SLC2A5: variants seen among roughly 807,000 people sequenced by gnomAD.
SLC2A5 encodes the protein solute carrier family 2 member 5.
In SLC2A5, 56 loss-of-function variants were observed where a neutral mutation model predicts 50.3. The observed-to-expected ratio is 1.11, with a 90% CI of 0.90 to 1.39. The LOEUF is 1.39. Among genes scored for constraint, SLC2A5 ranks in the 40% most tolerant of loss-of-function variants. SLC2A5 has a pLI of 0.00. For missense variants in SLC2A5, 566 were observed against 650.1 expected (o/e 0.87, Z 1.41); for synonymous variants, 269 against 281.9 (o/e 0.95, Z 0.46).
chr1:9,039,826 C>G lies in SLC2A5; in HGVS notation c.859G>C (p.Gly287Arg), dbSNP rs779890796. The change falls in exon 7 of 12, where the codon GGC becomes CGC. Residue 287 changes from glycine to arginine, a missense_variant. Physicochemically the swap from Gly to Arg is moderately radical, Grantham distance 125. Transcript: ENST00000377424. Reference sequence around the variant, plus strand: ...GCGTTGACGCCCGACAGCTGCTGGCCGCCCATGAGGACGATGATGGACAGC... The same window carrying G: ...GCGTTGACGCCCGACAGCTGCTGGCGGCCCATGAGGACGATGATGGACAGC... ...QLLSIIVLMG[G>R]QQLSGVNAIY... 1.2e-6 allele frequency: 2 copies of G among 1,602,696 alleles called. No individual in the cohort carries two copies. Among genetic ancestry groups the G allele is most frequent in the South Asian group, 2.2e-5 (2 of 89,956 alleles).
chr1:9,039,778 C>G, intron 7 of SLC2A5, 22 bp downstream of exon 7: 2 of 1,496,118 alleles, frequency 1.3e-6, no homozygotes, highest in Non-Finnish European at 1.8e-6. Flanking sequence ...CCCCAGCTCC[C>G]GAGCCGCAGC....
At chr1:9,062,366 G>C (rs1569893105) in intron 1 of SLC2A5, among the ~76,000 whole-genome samples, 1 of 152,188 alleles carries the variant, frequency 6.6e-6, no homozygotes, top group Non-Finnish European at 1.5e-5. Context: ...GATTCAGAGA[G>C]AGGGAACAGC....
At chr1:9,053,091 T>TATATATTTATATATAATATA (rs1641626034) in intron 3 of SLC2A5, among the ~76,000 whole-genome samples, 1 of 98,014 alleles carries the variant, frequency 1.0e-5, no homozygotes, top group Non-Finnish European at 2.0e-5. Flanking sequence ...TAATATATAA[T>TATATATTTATATATAATATA]ATATATTTAT....
chr1:9,078,597 A>G (rs1642318486), intron 2 of SLC2A5, among the ~76,000 whole-genome samples: 1 of 152,238 alleles, frequency 6.6e-6, no homozygotes, highest in Non-Finnish European at 1.5e-5. Context: ...ACTATTGAAA[A>G]ACATTTCATT....
At chr1:9,052,455 C>G (rs1007057107) in intron 3 of SLC2A5, among the ~76,000 whole-genome samples, 3 of 152,056 alleles carry the variant, frequency 2.0e-5, no homozygotes, top group Non-Finnish European at 2.9e-5. Context: ...TGAAACTACT[C>G]TATATGATAC....
intron 3 of SLC2A5, among the ~76,000 whole-genome samples, chr1:9,053,598 GCA>G (rs1641681901): frequency 7.8e-6 from 1 of 128,280 alleles, no homozygotes; most frequent in Non-Finnish European, 1.6e-5. Flanking sequence ...AATAGGCAGG[GCA>G]CAGTGGCTTA....
chr1:9,042,961 G>T (rs1481361463), intron 4 of SLC2A5, among the ~76,000 whole-genome samples: 1 of 152,098 alleles, frequency 6.6e-6, no homozygotes, highest in African/African-American at 2.4e-5. Flanking sequence ...CTTGAATCTG[G>T]TGGAGGGAAA....
intron 2 of SLC2A5, among the ~76,000 whole-genome samples, chr1:9,081,262 A>G (rs1055039967): frequency 1.7e-4 from 15 of 89,542 alleles, no homozygotes; most frequent in East Asian, 8.3e-4. Context: ...CTTGTTTCAG[A>G]AAAAAAAAAA....
intron 1 of SLC2A5, among the ~76,000 whole-genome samples, chr1:9,064,354 T>C (rs1408972173): frequency 6.6e-6 from 1 of 151,920 alleles, no homozygotes; most frequent in Admixed American, 6.6e-5. Context: ...CTGGCCAGCT[T>C]GTTAAAATGA....
Position 9,040,009 on chromosome 1 carries a change from G to C in SLC2A5, c.698-22C>G. On this transcript the variant is annotated intron_variant, in intron 6 of 11. Coordinates refer to ENST00000377424, the MANE Select transcript of SLC2A5 (RefSeq NM_003039.3). The surrounding 1 kb of genome is among the most constrained non-coding windows in gnomAD (Gnocchi z 4.3). ...AGGGCTGGGGAGAAGCGGCACCGTC[G>C]GACCAGGGCTGGGGAGCAGAACCTG... is the stretch of plus-strand genomic sequence containing the variant. 1 of 1,596,192 alleles carries C rather than the reference G, an allele frequency of 6.3e-7. No homozygotes were observed. Among genetic ancestry groups the C allele is most frequent in the South Asian group, 1.1e-5 (1 of 89,874 alleles).
At chr1:9,050,594 A>G (rs770033) in intron 3 of SLC2A5, among the ~76,000 whole-genome samples, 7,078 of 152,250 alleles carry the variant, frequency 0.046, 182 homozygotes, top group Middle Eastern at 0.15. Context: ...TAAATATAAA[A>G]TGCAAAACTA....
At chr1:9,049,178 A>G in intron 3 of SLC2A5, 1 of 456,306 alleles carries the variant, frequency 2.2e-6, no homozygotes, top group South Asian at 1.5e-5. Context: ...GAGGACCCTC[A>G]TGATGGACGA....
At chr1:9,052,944 C>A (rs1001607621) in intron 3 of SLC2A5, among the ~76,000 whole-genome samples, 1 of 126,542 alleles carries the variant, frequency 7.9e-6, no homozygotes. Context: ...CCAGCCTGGG[C>A]GACAGAGTAA....
chr1:9,057,608 G>A lies in SLC2A5; in HGVS notation c.133C>T (p.Leu45Phe), dbSNP rs757303279. 5.0e-6 allele frequency: 8 copies of A among 1,611,462 alleles called. No individual in the cohort carries two copies. The highest frequency in any genetic ancestry group is 4.2e-6 in the Non-Finnish European group (5 of 1,179,110). ...GTCTCATTGTAAAATTGTTGCATGA[G>A]CTAGGAGACAAAGCAAAACAGAACA... ...NVAAVNSPAL[L>F]MQQFYNETYY... The change falls in exon 3 of 12, where the codon CTC becomes TTC. Residue 45 changes from leucine to phenylalanine, a missense_variant and splice_region_variant. Transcript: ENST00000377424.
At chr1:9,061,140 C>G (rs1641931923) in intron 1 of SLC2A5, among the ~76,000 whole-genome samples, 1 of 151,242 alleles carries the variant, frequency 6.6e-6, no homozygotes. Flanking sequence ...CAAAAATTTG[C>G]TGGGCATGAT....
intron 3 of SLC2A5, 139 bp downstream of exon 3, chr1:9,057,309 A>G (rs1641781851): frequency 4.1e-6 from 2 of 483,920 alleles, no homozygotes; most frequent in East Asian, 3.6e-5. Flanking sequence ...AAAAAAAAAA[A>G]AAAAAAGAAA....
intron 1 of SLC2A5, among the ~76,000 whole-genome samples, chr1:9,066,983 TAAA>T (rs58819432): frequency 9.1e-6 from 1 of 110,144 alleles, no homozygotes. Context: ...GTCTCAAAAT[TAAA>T]AAAAAAAAAA....
chr1:9,073,149 C>G (rs1642242619), upstream of SLC2A5: 1 of 152,230 alleles, frequency 6.6e-6, no homozygotes, highest in East Asian at 1.9e-4. Flanking sequence ...TCACTACTGG[C>G]CTCACCTCTG....
At chr1:9,048,514 A>T (rs910515934) in intron 3 of SLC2A5, among the ~76,000 whole-genome samples, 6 of 152,162 alleles carry the variant, frequency 3.9e-5, no homozygotes, top group Non-Finnish European at 5.9e-5. Context: ...TCCACCTCAA[A>T]AAATAAATAA....
Sources: gnomAD v4.1 joint callset for allele counts (sites outside exome capture counted in the v4.1 genomes callset) on GRCh38, gnomAD v4.1.1 for gene constraint, Gnocchi (gnomAD v3.1) non-coding constraint, MANE v1.5 for transcripts, NCBI Gene and HGNC (gene_info 2026-07-23, HGNC 2026-07-21) for gene names.